Variants in MAN1A2 observed in about 807,000 individuals in gnomAD.
The protein encoded by MAN1A2 is mannosyl-oligosaccharide 1,2-alpha-mannosidase IB.
A neutral mutation model predicts 75.7 loss-of-function variants in MAN1A2; 26 were observed. That is an observed-to-expected ratio of 0.34 (90% CI 0.25 to 0.48). The LOEUF (loss-of-function observed/expected upper bound fraction) is 0.48. MAN1A2 is among the 20% of genes least tolerant of loss of function. The pLI, the probability that MAN1A2 is intolerant of heterozygous loss-of-function variation, is 0.99. For missense variants in MAN1A2, 562 were observed against 775.5 expected, an observed-to-expected ratio of 0.72 and a Z score of 3.27; for synonymous variants, 247 against 264.6, an observed-to-expected ratio of 0.93 and a Z score of 0.65.
chr1:117,368,548 G>A (rs1652847735), intron 1 of MAN1A2, 63 bp downstream of exon 1: 2 of 1,405,740 alleles, frequency 1.4e-6, no homozygotes, highest in African/African-American at 1.4e-5. Flanking sequence ...TGATTGGATC[G>A]AATCTGTCTT....
chr1:117,451,130 C>T (rs1649402863), intron 6 of MAN1A2, among the ~76,000 whole-genome samples: 1 of 152,258 alleles, frequency 6.6e-6, no homozygotes, highest in Non-Finnish European at 1.5e-5. Context: ...AGGGGCAGAG[C>T]TGCCCAAGGC....
At chr1:117,514,956 T>C in intron 12 of MAN1A2, 1 of 526,484 alleles carries the variant, frequency 1.9e-6, no homozygotes, top group African/African-American at 1.9e-5. Flanking sequence ...ACAAGCTAAG[T>C]CAAATCAATA....
intron 4 of MAN1A2, among the ~76,000 whole-genome samples, chr1:117,417,130 C>T (rs916120130): frequency 6.6e-6 from 1 of 152,164 alleles, no homozygotes; most frequent in Non-Finnish European, 1.5e-5. Context: ...GTAGTTCCAA[C>T]TCCCATATAC....
At chr1:117,462,654 G>A (rs1486195281) in intron 7 of MAN1A2, among the ~76,000 whole-genome samples, 1 of 152,108 alleles carries the variant, frequency 6.6e-6, no homozygotes, top group Admixed American at 6.6e-5. Context: ...AAGCTGTCTG[G>A]CTCTGATTGG....
intron 1 of MAN1A2, 96 bp downstream of exon 1, chr1:117,368,581 T>A: frequency 1.7e-6 from 2 of 1,172,660 alleles, no homozygotes; most frequent in Non-Finnish European, 1.2e-6. Flanking sequence ...CAGTAAAATG[T>A]AATTTTTCGA....
At chr1:117,445,092 G>A (rs1035143417) in intron 6 of MAN1A2, among the ~76,000 whole-genome samples, 5 of 152,008 alleles carry the variant, frequency 3.3e-5, no homozygotes, top group Admixed American at 6.6e-5. Context: ...GTTAAATGTT[G>A]CCAGATACTT....
intron 6 of MAN1A2, among the ~76,000 whole-genome samples, chr1:117,446,913 C>T (rs954473011): frequency 6.6e-6 from 1 of 152,070 alleles, no homozygotes; most frequent in Non-Finnish European, 1.5e-5. Context: ...TTCTCTATTT[C>T]TGTCAATTTT....
chr1:117,367,800 T>C lies in MAN1A2; in HGVS notation c.-384T>C, dbSNP rs1652817863. Reference sequence around the variant, plus strand: ...TACAACTCCTCGGATGTCGCCAGTCTCCCTTTCGGGGCGGAAGACTACGTT... The same window carrying C: ...TACAACTCCTCGGATGTCGCCAGTCCCCCTTTCGGGGCGGAAGACTACGTT... On this transcript the variant is annotated 5_prime_UTR_variant, in exon 1 of 13. Transcript: ENST00000356554. 5.5e-6 allele frequency: 1 copy of C among 180,482 alleles called. No individual in the cohort carries two copies. The highest frequency in any genetic ancestry group is 1.2e-5 in the Non-Finnish European group (1 of 86,634). The allele number at this position is 180,482 out of a possible 1,614,324, so 11.2% of individuals were successfully genotyped here. A position where few individuals can be genotyped will look rare whatever the true frequency, so the allele number is the denominator to read the frequency against.
Position 117,525,430 on chromosome 1 carries a change from G to T in MAN1A2, c.*2473G>T. ...AAGATCAATTCTTATCCCATATAAT[G>T]CTTAGCTTCCAAGAATATTCTTTAC... On this transcript the variant is annotated 3_prime_UTR_variant, in exon 13 of 13. Transcript: ENST00000356554. 1 of 185,530 alleles carries T rather than the reference G, an allele frequency of 5.4e-6. No homozygotes were observed. Among genetic ancestry groups the T allele is most frequent in the Non-Finnish European group, 1.2e-5 (1 of 86,570 alleles). 11.5% of individuals were successfully genotyped at this position (185,530 alleles called of 1,614,324 possible). A position where few individuals can be genotyped will look rare whatever the true frequency, so the allele number is the denominator to read the frequency against.
chr1:117,478,817 T>C (rs1650400255), intron 8 of MAN1A2, among the ~76,000 whole-genome samples: 1 of 151,326 alleles, frequency 6.6e-6, no homozygotes, highest in Admixed American at 6.6e-5. Flanking sequence ...GAGTGTAGAT[T>C]TATTATAAAT....
At chr1:117,375,913 A>AT (rs1280505337) in intron 1 of MAN1A2, among the ~76,000 whole-genome samples, 10 of 88,674 alleles carry the variant, frequency 1.1e-4, no homozygotes, top group Admixed American at 9.2e-4. Flanking sequence ...TAATTAATTT[A>AT]TGTTTTTTTT....
intron 3 of MAN1A2, among the ~76,000 whole-genome samples, chr1:117,406,207 G>A (rs1339576830): frequency 6.6e-6 from 1 of 152,104 alleles, no homozygotes; most frequent in Non-Finnish European, 1.5e-5. Context: ...CAGTTCACTT[G>A]TAAAACTTCC....
At chr1:117,372,061 T>G (rs1016176209) in intron 1 of MAN1A2, among the ~76,000 whole-genome samples, 5 of 152,196 alleles carry the variant, frequency 3.3e-5, no homozygotes, top group Admixed American at 6.5e-5. Context: ...GTTTTTATCA[T>G]AAATACTAAG....
At chr1:117,514,887 A>G (rs1373684676) in intron 12 of MAN1A2, 1 of 533,158 alleles carries the variant, frequency 1.9e-6, no homozygotes, top group East Asian at 5.4e-5. Flanking sequence ...TTCCAGCTGG[A>G]TGAAAAGAGT....
chr1:117,458,759 G>A (rs1246754651), intron 6 of MAN1A2, among the ~76,000 whole-genome samples: 3 of 151,542 alleles, frequency 2.0e-5, no homozygotes, highest in African/African-American at 7.3e-5. Context: ...CCTGACCTCA[G>A]GTAATCTGCC....
intron 1 of MAN1A2, among the ~76,000 whole-genome samples, chr1:117,377,672 G>A (rs1013425674): frequency 2.0e-5 from 3 of 149,372 alleles, no homozygotes; most frequent in African/African-American, 7.4e-5. Flanking sequence ...ATATACAAAG[G>A]GTTTCTTTGT....
intron 6 of MAN1A2, among the ~76,000 whole-genome samples, chr1:117,454,094 A>C (rs1177553161): frequency 6.6e-6 from 1 of 151,756 alleles, no homozygotes; most frequent in Non-Finnish European, 1.5e-5. Flanking sequence ...CACATTTAAA[A>C]GGCTACAGTA....
chr1:117,393,865 T>C (rs1653820338), intron 1 of MAN1A2, among the ~76,000 whole-genome samples: 1 of 152,158 alleles, frequency 6.6e-6, no homozygotes. Flanking sequence ...CTGATATAAA[T>C]AGTGGTATTA....
intron 6 of MAN1A2, among the ~76,000 whole-genome samples, chr1:117,456,205 G>C (rs1553236401): frequency 6.6e-6 from 1 of 152,048 alleles, no homozygotes; most frequent in Non-Finnish European, 1.5e-5. Flanking sequence ...GAACGTTCAA[G>C]AGTAAGGTCA....
Sources: allele counts gnomAD v4.1 joint callset (sites outside exome capture counted in the v4.1 genomes callset), GRCh38; gene constraint gnomAD v4.1.1; transcripts MANE v1.5; gene names NCBI Gene and HGNC (gene_info 2026-07-23, HGNC 2026-07-21).